The following ERC2 variants were observed in gnomAD, a reference collection of about 807,000 sequenced individuals.
ERC2 encodes ERC protein 2.
In ERC2, 42 loss-of-function variants were observed where a neutral mutation model predicts 114.8. That is an observed-to-expected ratio of 0.37 (90% CI 0.29 to 0.47). ERC2 has a LOEUF of 0.47. ERC2 is among the 20% of genes least tolerant of loss of function. ERC2 has a pLI of 0.99. For synonymous variants in ERC2, 454 were observed against 425.5 expected (o/e 1.07, Z -0.82); for missense variants, 939 against 1,150.7 (o/e 0.82, Z 2.66).
intron 17 of ERC2, among the ~76,000 whole-genome samples, chr3:55,631,802 C>T (rs2059768548): frequency 6.6e-6 from 1 of 152,186 alleles, no homozygotes. Flanking sequence ...AAGAGAATTC[C>T]ACAAAGAGCA....
intron 17 of ERC2, among the ~76,000 whole-genome samples, chr3:55,600,440 C>T (rs1407014489): frequency 6.6e-6 from 1 of 152,160 alleles, no homozygotes; most frequent in Non-Finnish European, 1.5e-5. Flanking sequence ...TCAAGAAGTA[C>T]CCACCCATAG....
At chr3:56,126,301 T>C (rs1352722240) in intron 6 of ERC2, among the ~76,000 whole-genome samples, 2 of 152,216 alleles carry the variant, frequency 1.3e-5, no homozygotes, top group African/African-American at 2.4e-5. Context: ...GTTCACTATA[T>C]GCAAATCAAT....
At chr3:56,191,831 A>G (rs973391481) in intron 3 of ERC2, among the ~76,000 whole-genome samples, 7 of 152,000 alleles carry the variant, frequency 4.6e-5, no homozygotes, top group Non-Finnish European at 8.8e-5. Flanking sequence ...ATGAACTCGG[A>G]TGAACTCAAA....
At chr3:55,855,508 T>G (rs1208942926) in intron 14 of ERC2, among the ~76,000 whole-genome samples, 1 of 152,238 alleles carries the variant, frequency 6.6e-6, no homozygotes, top group East Asian at 1.9e-4. Context: ...GTGTGATAAC[T>G]ACGTCTGCTT....
chr3:56,282,887 T>C (rs1031586773), intron 3 of ERC2, among the ~76,000 whole-genome samples: 1 of 152,168 alleles, frequency 6.6e-6, no homozygotes, highest in African/African-American at 2.4e-5. Context: ...CAATACACAT[T>C]TGTATCTGCA....
intron 17 of ERC2, among the ~76,000 whole-genome samples, chr3:55,630,771 T>C (rs2059720488): frequency 6.6e-6 from 1 of 152,202 alleles, no homozygotes; most frequent in Non-Finnish European, 1.5e-5. Context: ...ACAAAGATTT[T>C]TTTCTTTTTT....
intron 17 of ERC2, chr3:55,612,848 G>A (rs1417172752): frequency 6.6e-6 from 1 of 152,194 alleles, no homozygotes; most frequent in East Asian, 1.9e-4. Flanking sequence ...AACTGTTACA[G>A]TAAACTTCCC....
At chr3:56,037,744 A>G (rs1238019604) in intron 7 of ERC2, among the ~76,000 whole-genome samples, 7 of 152,194 alleles carry the variant, frequency 4.6e-5, no homozygotes. Flanking sequence ...CCCAAGACAC[A>G]GAATCATCAG....
intron 7 of ERC2, chr3:56,072,493 CT>C (rs2076783895): frequency 6.6e-6 from 1 of 152,190 alleles, no homozygotes; most frequent in African/African-American, 2.4e-5. Flanking sequence ...AGGAAAGACA[CT>C]GTTCAAAAGA....
chr3:56,113,524 A>G (rs2079071922), intron 6 of ERC2, among the ~76,000 whole-genome samples: 1 of 152,220 alleles, frequency 6.6e-6, no homozygotes, highest in Non-Finnish European at 1.5e-5. Context: ...TGTGTTCTCT[A>G]GGAATGTAGA....
intron 4 of ERC2, 72 bp downstream of exon 4, chr3:56,173,374 A>G (rs576812527): frequency 1.4e-6 from 2 of 1,380,782 alleles, no homozygotes; most frequent in South Asian, 2.3e-5. Flanking sequence ...TTTCATGTTT[A>G]TATTAGGCAC....
At chr3:55,577,868 C>A (rs757791398) in intron 17 of ERC2, among the ~76,000 whole-genome samples, 9 of 152,188 alleles carry the variant, frequency 5.9e-5, no homozygotes, top group Non-Finnish European at 1.3e-4. Context: ...GTTGTCTAGA[C>A]TGCCACAGTA....
chr3:55,579,959 A>T (rs2107556712), intron 17 of ERC2, among the ~76,000 whole-genome samples: 1 of 152,362 alleles, frequency 6.6e-6, no homozygotes, highest in South Asian at 2.1e-4. Context: ...GCTAAGCTGC[A>T]ATGCTTAATT....
At chr3:55,853,051 C>T (rs2061641969) in intron 14 of ERC2, among the ~76,000 whole-genome samples, 1 of 152,164 alleles carries the variant, frequency 6.6e-6, no homozygotes, top group Admixed American at 6.5e-5. Context: ...AAAAATGTCT[C>T]CAGTTGTCAA....
At chr3:56,311,241 C>CCCTA (rs2056534387) in intron 2 of ERC2, among the ~76,000 whole-genome samples, 1 of 18,322 alleles carries the variant, frequency 5.5e-5, no homozygotes, top group East Asian at 9.5e-4. Context: ...TTCTCTCTCT[C>CCCTA]TCTCTCTCTC....
chr3:55,763,131 T>G (rs2067558082), intron 14 of ERC2, among the ~76,000 whole-genome samples: 1 of 152,150 alleles, frequency 6.6e-6, no homozygotes, highest in Non-Finnish European at 1.5e-5. Context: ...TGTAGGCAGA[T>G]AGGAAAGCAC....
chr3:56,207,677 A>G (rs1197837932), intron 3 of ERC2, among the ~76,000 whole-genome samples: 1 of 152,204 alleles, frequency 6.6e-6, no homozygotes, highest in Non-Finnish European at 1.5e-5. Flanking sequence ...AATAACTTTT[A>G]TGGTGTTAAA....
chr3:55,699,461 G>A lies in ERC2; in HGVS notation c.2764C>T (p.His922Tyr), dbSNP rs2063111379. 2.5e-6 allele frequency: 4 copies of A among 1,613,698 alleles called. No individual in the cohort carries two copies. The highest frequency in any genetic ancestry group is 3.4e-6 in the Non-Finnish European group (4 of 1,179,770). The change falls in exon 16 of 18, where the codon CAT becomes TAT. Residue 922 changes from histidine (H) to tyrosine (Y), a missense_variant. His to Tyr is a moderately conservative substitution (Grantham distance 83, BLOSUM62 2). Around this residue, in one of 5 missense-constraint regions of ERC2, gnomAD observed 328 missense variants for 353.9 expected, o/e 0.93. Transcript: ENST00000288221. ...MADNYDDDHH[H>Y]YHHHHHHHHH... ...TGGTGATGGTGGTGGTGGTGGTAAT[G>A]GTGATGGTCATCATCATAGTTGTCT... is the stretch of plus-strand genomic sequence containing the variant.
At chr3:56,167,469 C>T (rs890629676) in intron 4 of ERC2, among the ~76,000 whole-genome samples, 11 of 152,064 alleles carry the variant, frequency 7.2e-5, no homozygotes, top group Non-Finnish European at 1.5e-5. Context: ...AAATAATTCT[C>T]ATCTTCTAAA....
Sources: allele counts gnomAD v4.1 joint callset (sites outside exome capture counted in the v4.1 genomes callset), GRCh38; gene constraint gnomAD v4.1.1; regional missense constraint gnomAD v4.1.1; transcripts MANE v1.5; gene names NCBI Gene and HGNC (gene_info 2026-07-23, HGNC 2026-07-21).